IGF2BP2: variants seen among roughly 807,000 people sequenced by gnomAD.
IGF2BP2 encodes the protein insulin-like growth factor 2 mRNA-binding protein 2.
Under a neutral mutation model 75.8 loss-of-function variants are expected in IGF2BP2, and 17 were observed. The ratio of observed to expected loss-of-function variants is 0.22; its 90% CI spans 0.15 to 0.34. IGF2BP2 has a LOEUF of 0.34. Ranked by LOEUF, IGF2BP2 falls within the 10% of genes least tolerant of loss-of-function variation. The pLI is 1.00. For missense variants in IGF2BP2, 516 were observed against 772.4 expected (o/e 0.67, Z 3.93); for synonymous variants, 288 against 295.6 (o/e 0.97, Z 0.26).
rs1197043087 is a variant in IGF2BP2, at chr3:185,794,287, G to A, written c.239+28866C>T. Among the ~76,000 whole-genome samples the A allele has an allele frequency of 1.3e-4, 9 of 71,006 alleles. 2 individuals are homozygous for A. The highest frequency in any genetic ancestry group is 2.3e-4 in the African/African-American group (3 of 12,964). 46.6% of individuals were successfully genotyped at this position (71,006 alleles called of 152,430 possible). On this transcript the variant is annotated intron_variant, in intron 2 of 15. Transcript: ENST00000382199. ...GGCCCAGAGCAGATCCTAGAGACCC[G>A]GGCTGCCCTCATATCACAGGTGTGT...
At chr3:185,652,274 G>A in intron 12 of IGF2BP2, 106 bp from the exon 13 acceptor site, 1 of 914,656 alleles carries the variant, frequency 1.1e-6, no homozygotes, top group South Asian at 1.7e-5. Flanking sequence ...TCCAGGTCTT[G>A]CTTCTGCCGT....
chr3:185,803,435 G>A (rs1387251406), intron 2 of IGF2BP2, among the ~76,000 whole-genome samples: 2 of 152,118 alleles, frequency 1.3e-5, no homozygotes, highest in African/African-American at 4.8e-5. Flanking sequence ...CCAAATAAAA[G>A]TACTGAAAAA....
chr3:185,656,109 C>T (rs1031580542), intron 12 of IGF2BP2, among the ~76,000 whole-genome samples: 5 of 152,358 alleles, frequency 3.3e-5, no homozygotes, highest in South Asian at 2.1e-4. Flanking sequence ...TTTCTCCTGC[C>T]GGCATCTCAG....
Position 185,657,348 on chromosome 3 carries a change from T to C in IGF2BP2, c.1324A>G (p.Ile442Val). 6.2e-7 allele frequency: 1 copy of C among 1,614,010 alleles called. No individual in the cohort carries two copies. The highest frequency in any genetic ancestry group is 1.1e-5 in the South Asian group (1 of 91,046). The change falls in exon 12 of 16, where the codon ATC becomes GTC. Residue 442 changes from isoleucine to valine, a missense_variant. Ile to Val is a conservative substitution (Grantham distance 29, BLOSUM62 3). Around this residue, in one of 3 missense-constraint regions of IGF2BP2, gnomAD observed 129 missense variants for 230.5 expected, o/e 0.56. Coordinates refer to ENST00000382199, the MANE Select transcript of IGF2BP2 (RefSeq NM_006548.6). ...ATGTGTGCCCCCTTCTTCCCGATGA[T>C]GGCGCCCACAGCCTGGGTTGGGATG... ...LFIPTQAVGA[I>V]IGKKGAHIKQ...
rs1482825973 is a variant in IGF2BP2 at position 185,677,062 on chromosome 3, TATATATAGAGAGAGAG to T, written c.813-1165_813-1150del. Among the ~76,000 whole-genome samples, 6 of 50,352 alleles carry T rather than the reference TATATATAGAGAGAGAG, an allele frequency of 1.2e-4. 1 individual carries two copies. Among genetic ancestry groups the T allele is most frequent in the Non-Finnish European group, 7.4e-5 (2 of 26,988 alleles). 33.0% of individuals were successfully genotyped at this position (50,352 alleles called of 152,430 possible). On this transcript the variant is annotated intron_variant, in intron 7 of 15. Coordinates refer to ENST00000382199, the MANE Select transcript of IGF2BP2 (RefSeq NM_006548.6). ...ATATGGAGATATATATATATATATA[TATATATAGAGAGAGAG>T]AGAGAGAGAGAGAGAGAGAGAGAGA... is the stretch of plus-strand genomic sequence containing the variant.
intron 2 of IGF2BP2, among the ~76,000 whole-genome samples, chr3:185,779,637 C>T (rs1291951270): frequency 6.6e-6 from 1 of 152,178 alleles, no homozygotes; most frequent in Non-Finnish European, 1.5e-5. Flanking sequence ...CCCCAGGCCT[C>T]ATTCCAAACT....
intron 2 of IGF2BP2, among the ~76,000 whole-genome samples, chr3:185,765,954 G>A (rs1282030185): frequency 6.6e-6 from 1 of 152,174 alleles, no homozygotes; most frequent in Non-Finnish European, 1.5e-5. Flanking sequence ...AGAGTTTGTG[G>A]GCATGGGTAT....
intron 2 of IGF2BP2, among the ~76,000 whole-genome samples, chr3:185,744,815 G>A (rs1349046277): frequency 6.6e-6 from 1 of 152,020 alleles, no homozygotes; most frequent in Non-Finnish European, 1.5e-5. Context: ...TCAAAAAAAA[G>A]AAAAAATTGG....
chr3:185,740,483 A>G (rs1729401720), intron 2 of IGF2BP2, among the ~76,000 whole-genome samples: 1 of 152,222 alleles, frequency 6.6e-6, no homozygotes, highest in South Asian at 2.1e-4. Flanking sequence ...ACTAGCCAAG[A>G]GTATCAGATT....
Position 185,735,600 on chromosome 3 carries a change from G to T in IGF2BP2, c.240-37253C>A, listed in dbSNP as rs993889638. Among the ~76,000 whole-genome samples the T allele has an allele frequency of 2.0e-5, 3 of 152,138 alleles. No individual in the cohort carries two copies. The East Asian group carries it at 5.8e-4, about 29-fold the overall frequency. ...AGTCTCATGCCAAGTCCTTGGTCAA[G>T]AAAAAAGAGCTAAATTACAGAGTTC... On this transcript the variant is annotated intron_variant, in intron 2 of 15. Coordinates refer to ENST00000382199, the MANE Select transcript of IGF2BP2 (RefSeq NM_006548.6).
intron 12 of IGF2BP2, among the ~76,000 whole-genome samples, chr3:185,653,079 T>C (rs1281944637): frequency 2.6e-5 from 4 of 152,124 alleles, no homozygotes; most frequent in African/African-American, 7.2e-5. Flanking sequence ...TCCGCCCACC[T>C]TGGCCTTCCA....
intron 2 of IGF2BP2, among the ~76,000 whole-genome samples, chr3:185,725,681 T>G (rs1428401718): frequency 6.6e-6 from 1 of 152,108 alleles, no homozygotes; most frequent in Non-Finnish European, 1.5e-5. Context: ...AGTTACAAAT[T>G]CAGGACTAGG....
intron 2 of IGF2BP2, chr3:185,712,405 T>C (rs1724937175): frequency 6.6e-6 from 1 of 152,200 alleles, no homozygotes; most frequent in African/African-American, 2.4e-5. Flanking sequence ...CTAGATTTTC[T>C]AACACCATAA....
At chr3:185,745,746 A>G (rs1211196098) in intron 2 of IGF2BP2, among the ~76,000 whole-genome samples, 1 of 152,224 alleles carries the variant, frequency 6.6e-6, no homozygotes, top group Non-Finnish European at 1.5e-5. Context: ...TAGCTGGCCA[A>G]ACAAACAGCT....
chr3:185,821,731 C>T (rs988930799), intron 2 of IGF2BP2, among the ~76,000 whole-genome samples: 4 of 151,952 alleles, frequency 2.6e-5, no homozygotes, highest in Non-Finnish European at 4.4e-5. Flanking sequence ...GTATCAAATA[C>T]TTGGGGTAGT....
Position 185,647,241 on chromosome 3 carries a change from G to T in IGF2BP2, c.1594-103C>A, listed in dbSNP as rs111492586. ...CCAAGAGGTGGAGCAGGGGAAGGAG[G>T]GGGGCTGGACTCTGCTCTCCTTTCC... is the stretch of plus-strand genomic sequence containing the variant. On this transcript the variant is annotated intron_variant, in intron 14 of 15. Transcript: ENST00000382199. The surrounding 1 kb of genome is among the most constrained non-coding windows in gnomAD (Gnocchi z 4.9). 7.1e-6 allele frequency: 6 copies of T among 844,632 alleles called. No homozygotes were observed. The highest frequency in any genetic ancestry group is 3.5e-5 in the Admixed American group (2 of 56,888). The allele number at this position is 844,632 out of a possible 1,614,324, so 52.3% of individuals were successfully genotyped here.
intron 2 of IGF2BP2, among the ~76,000 whole-genome samples, chr3:185,764,945 C>T (rs559933170): frequency 2.6e-5 from 4 of 152,284 alleles, no homozygotes; most frequent in East Asian, 1.9e-4. Flanking sequence ...TCTACCCCCA[C>T]GAGGTGTTTA....
In IGF2BP2 at chr3:185,814,686, G is replaced by A. The variant is rs185574450; in HGVS notation, c.239+8467C>T. Among the ~76,000 whole-genome samples the A allele has an allele frequency of 1.5e-4, 23 of 152,198 alleles. No individual in the cohort carries two copies. The East Asian group carries it at 3.7e-3, about 24-fold the overall frequency. On this transcript the variant is annotated intron_variant, in intron 2 of 15. Transcript: ENST00000382199. ...TTATGTTCTTGTCAAAAAGCATGGC[G>A]TCTATCTAGAAGAAAACCTCTTATA...
chr3:185,658,884 G>A (rs1577843944), intron 10 of IGF2BP2, among the ~76,000 whole-genome samples: 1 of 152,280 alleles, frequency 6.6e-6, no homozygotes, highest in Admixed American at 6.5e-5. Flanking sequence ...GTGTTCCTGG[G>A]CAGATAGATC....
Sources: gnomAD v4.1 joint callset for allele counts (sites outside exome capture counted in the v4.1 genomes callset) on GRCh38, gnomAD v4.1.1 for gene constraint, gnomAD v4.1.1 regional missense constraint, Gnocchi (gnomAD v3.1) non-coding constraint, MANE v1.5 for transcripts, NCBI Gene and HGNC (gene_info 2026-07-23, HGNC 2026-07-21) for gene names.